The following TTC28 variants were observed in gnomAD, a reference collection of about 807,000 sequenced individuals.
The protein encoded by TTC28 is tetratricopeptide repeat domain 28.
Under a neutral mutation model 198.0 loss-of-function variants are expected in TTC28, and 61 were observed. The ratio of observed to expected loss-of-function variants is 0.31; its 90% CI spans 0.25 to 0.38. The LOEUF (loss-of-function observed/expected upper bound fraction) is 0.38. TTC28 is among the 10% of genes least tolerant of loss of function. The probability of loss-of-function intolerance (pLI) is 1.00; values close to 1 mark genes in which losing one functional copy is unlikely to be tolerated. For synonymous variants in TTC28, 1,171 were observed against 1,297.8 expected, an observed-to-expected ratio of 0.90 and a Z score of 2.10; for missense variants, 2,678 against 3,164.0, an observed-to-expected ratio of 0.85 and a Z score of 3.69.
At chr22:28,357,365 G>C (rs912841005) in intron 2 of TTC28, among the ~76,000 whole-genome samples, 2 of 146,300 alleles carry the variant, frequency 1.4e-5, no homozygotes, top group African/African-American at 5.1e-5. Flanking sequence ...GCAAGGGGTG[G>C]AGTACAGTGG....
chr22:28,479,158 G>A (rs2048209448), intron 2 of TTC28, among the ~76,000 whole-genome samples: 2 of 152,008 alleles, frequency 1.3e-5, no homozygotes, highest in South Asian at 4.2e-4. Context: ...TAAATACAAG[G>A]GGAAAAAACA....
chr22:28,050,701 T>C (rs750230481), intron 12 of TTC28, among the ~76,000 whole-genome samples: 1 of 152,112 alleles, frequency 6.6e-6, no homozygotes, highest in Non-Finnish European at 1.5e-5. Flanking sequence ...AAAAGCCAAA[T>C]GACCCCTTTA....
At chr22:28,349,589 T>A (rs891274084) in intron 2 of TTC28, among the ~76,000 whole-genome samples, 11 of 152,220 alleles carry the variant, frequency 7.2e-5, no homozygotes, top group Non-Finnish European at 1.5e-4. Context: ...TCTCAGTTTC[T>A]ATACCTTACT....
chr22:28,122,226 G>A (rs1248390705), intron 6 of TTC28, among the ~76,000 whole-genome samples: 2 of 152,184 alleles, frequency 1.3e-5, no homozygotes, highest in Non-Finnish European at 2.9e-5. Context: ...AATGAGTCAT[G>A]AGGTTTGAAG....
intron 6 of TTC28, among the ~76,000 whole-genome samples, chr22:28,128,322 A>T (rs1942968904): frequency 1.3e-5 from 2 of 150,978 alleles, no homozygotes; most frequent in South Asian, 2.1e-4. Flanking sequence ...CGTCTCAAAA[A>T]AACAAAAAAA....
intron 5 of TTC28, among the ~76,000 whole-genome samples, chr22:28,257,488 T>C (rs944889020): frequency 2.0e-5 from 3 of 151,844 alleles, no homozygotes; most frequent in Non-Finnish European, 4.4e-5. Flanking sequence ...TAAGTGAAAT[T>C]AGCCAAGCAC....
intron 6 of TTC28, among the ~76,000 whole-genome samples, chr22:28,125,401 A>T (rs1942889608): frequency 1.3e-5 from 2 of 152,346 alleles, no homozygotes; most frequent in African/African-American, 4.8e-5. Context: ...TCAGGGATAA[A>T]AGATGATGAA....
At chr22:28,305,504 G>C (rs2045125466) in intron 3 of TTC28, among the ~76,000 whole-genome samples, 1 of 152,138 alleles carries the variant, frequency 6.6e-6, no homozygotes, top group South Asian at 2.1e-4. Flanking sequence ...TTTGAGCCAA[G>C]TATAATACTA....
Position 28,559,176 on chromosome 22 carries a change from A to G in TTC28, c.381+70376T>C, listed in dbSNP as rs376815952. Among the ~76,000 whole-genome samples the G allele has an allele frequency of 1.5e-4, 23 of 152,314 alleles. No individual in the cohort carries two copies. The East Asian group carries it at 4.4e-3, about 29-fold the overall frequency. ...TTTCATTAATCATGCATGCCCCTAG[A>G]TATCTTTATCTTATCCATATGCTTA... On this transcript the variant is annotated intron_variant, in intron 2 of 22. Transcript: ENST00000397906.
At chr22:28,265,847 G>A (rs1427588336) in intron 5 of TTC28, among the ~76,000 whole-genome samples, 4 of 152,130 alleles carry the variant, frequency 2.6e-5, no homozygotes, top group Admixed American at 6.6e-5. Flanking sequence ...AGATAGAGGT[G>A]AGGAAGCCTA....
chr22:28,493,565 A>G (rs117778347), intron 2 of TTC28, among the ~76,000 whole-genome samples: 1 of 152,306 alleles, frequency 6.6e-6, no homozygotes, highest in East Asian at 1.9e-4. Context: ...GGAATGAAAT[A>G]ATTAGAATAT....
In TTC28 at chr22:28,587,613, A is replaced by T. The variant is rs570266546; in HGVS notation, c.381+41939T>A. Among the ~76,000 whole-genome samples the T allele has an allele frequency of 1.1e-3, 170 of 151,726 alleles. 1 individual carries two copies. The highest frequency in any genetic ancestry group is 2.0e-3 in the Non-Finnish European group (135 of 67,916). On this transcript the variant is annotated intron_variant, in intron 2 of 22. Coordinates refer to ENST00000397906, the MANE Select transcript of TTC28 (RefSeq NM_001145418.2). Reference sequence around the variant, plus strand: ...AGTCGTACACCACCACGCCTGGCTAATTTTTCTATTTTTAATAGAGATCGG... The same window carrying T: ...AGTCGTACACCACCACGCCTGGCTATTTTTTCTATTTTTAATAGAGATCGG...
chr22:28,486,588 C>T (rs1458286270), intron 2 of TTC28, among the ~76,000 whole-genome samples: 1 of 152,052 alleles, frequency 6.6e-6, no homozygotes, highest in Non-Finnish European at 1.5e-5. Context: ...TAACCAAGTG[C>T]CAAATGAAAA....
intron 6 of TTC28, among the ~76,000 whole-genome samples, chr22:28,137,520 T>C (rs929474665): frequency 2.0e-5 from 3 of 152,118 alleles, no homozygotes; most frequent in Non-Finnish European, 4.4e-5. Flanking sequence ...AGTAGTTCTC[T>C]TGGAGGGCCC....
intron 2 of TTC28, among the ~76,000 whole-genome samples, chr22:28,584,366 A>T (rs1205970323): frequency 6.6e-6 from 1 of 152,198 alleles, no homozygotes; most frequent in Non-Finnish European, 1.5e-5. Flanking sequence ...GCAGGTTAAT[A>T]ACAGGATCTC....
intron 2 of TTC28, among the ~76,000 whole-genome samples, chr22:28,455,667 T>C (rs906819612): frequency 7.3e-5 from 11 of 151,616 alleles, no homozygotes; most frequent in Non-Finnish European, 1.0e-4. Context: ...TGAGACAAGA[T>C]TGCACCACTG....
chr22:28,010,653 T>C (rs1243839509), intron 14 of TTC28, among the ~76,000 whole-genome samples: 1 of 152,156 alleles, frequency 6.6e-6, no homozygotes, highest in Non-Finnish European at 1.5e-5. Flanking sequence ...GCATGTCGAC[T>C]GGAGCATGCC....
chr22:28,176,393 C>A (rs1176931956), intron 5 of TTC28, among the ~76,000 whole-genome samples: 1 of 152,006 alleles, frequency 6.6e-6, no homozygotes, highest in African/African-American at 2.4e-5. Context: ...GAGAGTAGAA[C>A]AGTCCTTGCC....
chr22:28,079,062 C>T (rs1277280896), intron 12 of TTC28, among the ~76,000 whole-genome samples: 1 of 152,138 alleles, frequency 6.6e-6, no homozygotes, highest in Non-Finnish European at 1.5e-5. Flanking sequence ...GCATACAGGT[C>T]AGCATAAGGA....
Sources: allele counts gnomAD v4.1 joint callset (sites outside exome capture counted in the v4.1 genomes callset), GRCh38; gene constraint gnomAD v4.1.1; transcripts MANE v1.5; gene names NCBI Gene and HGNC (gene_info 2026-07-23, HGNC 2026-07-21).